PCDHGA8: variants seen among roughly 807,000 people sequenced by gnomAD.
PCDHGA8 encodes protocadherin gamma subfamily A, 8.
PCDHGA8 carries 45 observed loss-of-function variants against 59.2 expected under a neutral mutation model. That is an observed-to-expected ratio of 0.76 (90% CI 0.60 to 0.98). The LOEUF (loss-of-function observed/expected upper bound fraction) is 0.98, where lower values mean the gene tolerates loss of function less well. Among genes scored for constraint, PCDHGA8 ranks in the 50% least tolerant of loss-of-function variants. The pLI is 0.00. For missense variants in PCDHGA8, 1,257 were observed against 1,196.2 expected, an observed-to-expected ratio of 1.05 and a Z score of -0.75; for synonymous variants, 531 against 519.0, an observed-to-expected ratio of 1.02 and a Z score of -0.32.
intron 1 of PCDHGA8, chr5:141,403,394 C>A: frequency 6.2e-7 from 1 of 1,614,054 alleles, no homozygotes; most frequent in South Asian, 1.1e-5. Flanking sequence ...AATCGCGGTT[C>A]CTGGAGCACG....
Position 141,432,909 on chromosome 5 carries a change from G to A in PCDHGA8, c.2424+37672G>A, listed in dbSNP as rs773372764. On this transcript the variant is annotated intron_variant, in intron 1 of 3. Coordinates refer to ENST00000398604, the MANE Select transcript of PCDHGA8 (RefSeq NM_032088.2). The surrounding 1 kb of genome is among the most constrained non-coding windows in gnomAD (Gnocchi z 6.0). ...ATCTTGCTGCTGGCGCTCAGGCTGCGGCGCTGGCACAAGTCACGCCTGCTG... is the reference window on the plus strand; with the variant it reads ...ATCTTGCTGCTGGCGCTCAGGCTGCAGCGCTGGCACAAGTCACGCCTGCTG... 9 of 1,614,038 alleles carry A rather than the reference G, an allele frequency of 5.6e-6. No homozygotes were observed. The highest frequency in any genetic ancestry group is 4.5e-5 in the East Asian group (2 of 44,880).
intron 1 of PCDHGA8, chr5:141,479,712 C>T (rs1488849933): frequency 6.6e-6 from 1 of 152,216 alleles, no homozygotes; most frequent in Non-Finnish European, 1.5e-5. Flanking sequence ...CCCTGTCCTT[C>T]CAGCCTTATT....
At chr5:141,412,067 G>A (rs1428018643) in intron 1 of PCDHGA8, 2 of 152,170 alleles carry the variant, frequency 1.3e-5, no homozygotes, top group Non-Finnish European at 2.9e-5. Context: ...TTGCATTTGA[G>A]GGAACAATTG....
At chr5:141,483,812 A>C (rs1188806533) in intron 1 of PCDHGA8, among the ~76,000 whole-genome samples, 2 of 152,162 alleles carry the variant, frequency 1.3e-5, no homozygotes, top group Non-Finnish European at 2.9e-5. Context: ...TTTTTTTGGC[A>C]GCCAGTGTAA....
chr5:141,421,885 G>A (rs2096608692), intron 1 of PCDHGA8: 1 of 1,613,574 alleles, frequency 6.2e-7, no homozygotes, highest in African/African-American at 1.3e-5. Context: ...AGATGGAGGC[G>A]ATCCCATCCG....
At chr5:141,417,030 T>G (rs1460954160) in intron 1 of PCDHGA8, 1 of 86,454 alleles carries the variant, frequency 1.2e-5, no homozygotes, top group East Asian at 2.9e-4. Flanking sequence ...AAATACAGGT[T>G]TTTTTTTTAA....
chr5:141,444,035 T>C (rs928920813), intron 1 of PCDHGA8, among the ~76,000 whole-genome samples: 1 of 151,694 alleles, frequency 6.6e-6, no homozygotes, highest in Non-Finnish European at 1.5e-5. Context: ...ATTCAGTAAA[T>C]CAGATAATTT....
chr5:141,394,868 C>T lies in PCDHGA8; in HGVS notation c.2055C>T (p.Asn685=). ...LGSLKPSVDP[N]DSSLTLYLVV... is the part of the protein sequence containing the mutation. The stretch of plus-strand genomic sequence containing the variant: ...GTCTGAAGCCTTCGGTCGACCCGAA[C>T]GATTCGAGCCTTACACTCTATCTCG... The change falls in exon 1 of 4, where the codon AAC becomes AAT. Residue 685 remains asparagine (N), a synonymous_variant. Coordinates refer to ENST00000398604, the MANE Select transcript of PCDHGA8 (RefSeq NM_032088.2). The T allele has an allele frequency of 6.2e-7, 1 of 1,613,828 alleles. No homozygotes were observed. Among genetic ancestry groups the T allele is most frequent in the Non-Finnish European group, 8.5e-7 (1 of 1,179,902 alleles).
rs1029546280 is a variant in PCDHGA8 at position 141,423,551 on chromosome 5, A to G, written c.2424+28314A>G. On this transcript the variant is annotated intron_variant, in intron 1 of 3. Coordinates refer to ENST00000398604, the MANE Select transcript of PCDHGA8 (RefSeq NM_032088.2). ...AGTCACCTGATTTTCCCCCAGCCCA[A>G]CTATGGGGACACGCTCATCAGCCAG... The G allele has an allele frequency of 2.5e-6, 4 of 1,613,498 alleles. No individual in the cohort carries two copies. The African/African-American group carries it at 5.3e-5, about 22-fold the overall frequency.
intron 1 of PCDHGA8, among the ~76,000 whole-genome samples, chr5:141,442,913 AACT>A (rs1163578304): frequency 6.6e-6 from 1 of 152,214 alleles, no homozygotes. Flanking sequence ...TTCAGCACAC[AACT>A]GTTTCATTTT....
chr5:141,511,381 G>A lies in PCDHGA8; in HGVS notation c.*208G>A, dbSNP rs545793377. 97 of 1,170,372 alleles carry A rather than the reference G, an allele frequency of 8.3e-5. No homozygotes were observed. In the East Asian group the frequency reaches 9.2e-4, roughly 11 times the overall value. 72.5% of individuals were successfully genotyped at this position (1,170,372 alleles called of 1,614,324 possible). On this transcript the variant is annotated 3_prime_UTR_variant, in exon 4 of 4. Transcript: ENST00000398604. ...GGGTTGAATATGCAAAAGCAGTTCC[G>A]CTGGGAACCCCCATCCAATCAACTG...
chr5:141,395,437 G>A lies in PCDHGA8; in HGVS notation c.2424+200G>A, dbSNP rs973609255. On this transcript the variant is annotated intron_variant, in intron 1 of 3. Coordinates refer to ENST00000398604, the MANE Select transcript of PCDHGA8 (RefSeq NM_032088.2). ...TGTTTCATTTGCTTTTAAACGACTT[G>A]GAAAAGATTGTTCAACCATTTTAAG... 5.2e-5 allele frequency: 35 copies of A among 668,254 alleles called. No homozygotes were observed. The African/African-American group carries it at 6.1e-4, about 12-fold the overall frequency. 41.4% of individuals were successfully genotyped at this position (668,254 alleles called of 1,614,324 possible).
chr5:141,404,333 C>A, intron 1 of PCDHGA8: 3 of 1,613,854 alleles, frequency 1.9e-6, no homozygotes, highest in South Asian at 1.1e-5. Flanking sequence ...CTCAGTCTAC[C>A]TCCCGGAAAA....
chr5:141,408,855 G>T, intron 1 of PCDHGA8: 1 of 1,613,572 alleles, frequency 6.2e-7, no homozygotes, highest in Non-Finnish European at 8.5e-7. Context: ...TTGGACGGAG[G>T]GGACCCACCA....
chr5:141,399,278 G>A (rs1373250809), intron 1 of PCDHGA8: 2 of 1,613,792 alleles, frequency 1.2e-6, no homozygotes, highest in African/African-American at 1.3e-5. Context: ...CAATTACAAG[G>A]CGAAGTCCCT....
chr5:141,498,009 C>A (rs1160103624), intron 2 of PCDHGA8, among the ~76,000 whole-genome samples: 1 of 152,146 alleles, frequency 6.6e-6, no homozygotes, highest in Non-Finnish European at 1.5e-5. Context: ...TTACAGTGCA[C>A]TGAAGGAGAC....
chr5:141,418,579 A>C, intron 1 of PCDHGA8: 1 of 1,614,000 alleles, frequency 6.2e-7, no homozygotes. Context: ...ACAACCCCCC[A>C]GTGTTCAGCC....
chr5:141,489,904 C>T lies in PCDHGA8; in HGVS notation c.2425-4903C>T, dbSNP rs750411680. On this transcript the variant is annotated intron_variant, in intron 1 of 3. Transcript: ENST00000398604. This position sits in a 1 kb window ranked among gnomAD's most constrained non-coding sequence, Gnocchi z 4.5. ...TGCTGTGGATGGGGGGACCCCAGCC[C>T]GCTCAGGGACCACCCTTATCTCTGT... 1.6e-5 allele frequency: 26 copies of T among 1,614,092 alleles called. No homozygotes were observed. The highest frequency in any genetic ancestry group is 3.3e-5 in the Admixed American group (2 of 60,014).
intron 1 of PCDHGA8, among the ~76,000 whole-genome samples, chr5:141,463,479 C>T (rs1162346496): frequency 4.1e-5 from 5 of 120,544 alleles, no homozygotes; most frequent in Non-Finnish European, 8.1e-5. Flanking sequence ...GATGGAGTCT[C>T]GCTCTGTCAC....
Sources: allele counts gnomAD v4.1 joint callset (sites outside exome capture counted in the v4.1 genomes callset), GRCh38; gene constraint gnomAD v4.1.1; non-coding constraint Gnocchi (gnomAD v3.1); transcripts MANE v1.5; gene names NCBI Gene and HGNC (gene_info 2026-07-23, HGNC 2026-07-21).